The following GALK2 variants were observed in gnomAD, a reference collection of about 807,000 sequenced individuals.
GALK2 encodes galactokinase 2.
A neutral mutation model predicts 52.4 loss-of-function variants in GALK2; 36 were observed. The ratio of observed to expected loss-of-function variants is 0.69; its 90% CI spans 0.53 to 0.91. The LOEUF is 0.91. Ranked by LOEUF, GALK2 falls within the 40% of genes least tolerant of loss-of-function variation. The pLI is 0.00. For missense variants in GALK2, 579 were observed against 559.1 expected, an observed-to-expected ratio of 1.04 and a Z score of -0.36; for synonymous variants, 176 against 199.1, an observed-to-expected ratio of 0.88 and a Z score of 0.98.
intron 1 of GALK2, chr15:49,156,254 C>A: frequency 2.2e-4 from 111 of 510,262 alleles, no homozygotes; most frequent in East Asian, 4.3e-4. Context: ...CCCTTGGGAC[C>A]AAATTAAGGT....
At chr15:49,192,033 A>T (rs1028495887) in intron 1 of GALK2, among the ~76,000 whole-genome samples, 7 of 151,868 alleles carry the variant, frequency 4.6e-5, no homozygotes, top group Non-Finnish European at 7.4e-5. Flanking sequence ...TCAGGGTCAG[A>T]TTTGGGCAAT....
chr15:49,347,220 G>A (rs1281061843), intron 3 of GALK2, among the ~76,000 whole-genome samples: 1 of 152,202 alleles, frequency 6.6e-6, no homozygotes, highest in African/African-American at 2.4e-5. Flanking sequence ...GCCAGGACTT[G>A]TATTAGGCAT....
At chr15:49,248,131 A>G (rs1055493856) in intron 5 of GALK2, among the ~76,000 whole-genome samples, 3 of 152,220 alleles carry the variant, frequency 2.0e-5, no homozygotes, top group Non-Finnish European at 4.4e-5. Flanking sequence ...ATTTCAGTGA[A>G]ATATTTCTTG....
chr15:49,214,358 G>C (rs1198898617), intron 2 of GALK2, among the ~76,000 whole-genome samples: 1 of 133,424 alleles, frequency 7.5e-6, no homozygotes, highest in Admixed American at 7.6e-5. Flanking sequence ...TTGAGATGGA[G>C]TCTCACTCTG....
At position 49,328,094 on chromosome 15, in the gene GALK2, C is replaced by T. The variant is rs984738916; in HGVS notation, c.1312C>T (p.Pro438Ser). The change falls in exon 10 of 10, where the codon CCG (proline) becomes TCG (serine). Residue 438 changes from proline (P) to serine (S), a missense_variant. Physicochemically the swap from Pro to Ser is moderately conservative, Grantham distance 74. Transcript: ENST00000560031. The stretch of plus-strand genomic sequence containing the variant: ...CCAGAGGAGTGATGGAAGCTTAGCA[C>T]CGGAGAAGCAAAGTTTGTTTGCTAC... ...YYQRSDGSLAPEKQSLFATKP... is the reference protein window; with the variant it reads ...YYQRSDGSLASEKQSLFATKP... 4.3e-6 allele frequency: 7 copies of T among 1,613,982 alleles called. No individual in the cohort carries two copies. The highest frequency in any genetic ancestry group is 5.9e-6 in the Non-Finnish European group (7 of 1,179,960).
intron 1 of GALK2, among the ~76,000 whole-genome samples, chr15:49,182,082 A>G (rs1330442501): frequency 1.3e-5 from 2 of 152,056 alleles, no homozygotes; most frequent in East Asian, 3.9e-4. Context: ...CAAATAGTAG[A>G]TCTTATTCAT....
intron 1 of GALK2, among the ~76,000 whole-genome samples, chr15:49,185,135 CCT>C (rs1055021719): frequency 6.6e-6 from 1 of 152,150 alleles, no homozygotes; most frequent in African/African-American, 2.4e-5. Flanking sequence ...CTCCTCCTTT[CCT>C]CTCTCTAGTA....
intron 5 of GALK2, among the ~76,000 whole-genome samples, chr15:49,243,569 A>G (rs1455994216): frequency 1.3e-5 from 2 of 152,126 alleles, no homozygotes; most frequent in African/African-American, 2.4e-5. Context: ...CTTAAATATG[A>G]TAGGGCATCA....
intron 5 of GALK2, among the ~76,000 whole-genome samples, chr15:49,256,234 G>C (rs2091809983): frequency 6.6e-6 from 1 of 152,112 alleles, no homozygotes; most frequent in Non-Finnish European, 1.5e-5. Context: ...TAATTCTCTA[G>C]AGCTCTGTGT....
At chr15:49,204,279 C>T (rs1326810364) in intron 2 of GALK2, among the ~76,000 whole-genome samples, 1 of 150,956 alleles carries the variant, frequency 6.6e-6, no homozygotes, top group African/African-American at 2.4e-5. Flanking sequence ...TTCTTTTCTT[C>T]TTCTTCTTCT....
chr15:49,278,701 A>G lies in GALK2; in HGVS notation c.505-3286A>G, dbSNP rs187060333. On this transcript the variant is annotated intron_variant, in intron 5 of 9. Coordinates refer to ENST00000560031, the MANE Select transcript of GALK2 (RefSeq NM_002044.4). ...GTCAGATCATTTGAGTTTGGATTAT[A>G]TCTTTAATAATTACTAGCCTAGTCT... Among the ~76,000 whole-genome samples, 18 of 152,294 alleles carry G rather than the reference A, an allele frequency of 1.2e-4. No individual in the cohort carries two copies. In the East Asian group the frequency reaches 3.3e-3, roughly 28 times the overall value.
At chr15:49,255,241 T>C (rs962297523) in intron 5 of GALK2, among the ~76,000 whole-genome samples, 4 of 143,672 alleles carry the variant, frequency 2.8e-5, no homozygotes, top group African/African-American at 5.0e-5. Context: ...TTTTTCTGAT[T>C]GAGAATTTAC....
chr15:49,249,312 A>G (rs2091490470), intron 5 of GALK2, among the ~76,000 whole-genome samples: 3 of 152,230 alleles, frequency 2.0e-5, no homozygotes, highest in Admixed American at 2.0e-4. Context: ...TGATAGAGTA[A>G]GGAAGACAAT....
chr15:49,235,414 ATTTG>A (rs1003734520), intron 3 of GALK2, among the ~76,000 whole-genome samples: 4 of 151,908 alleles, frequency 2.6e-5, no homozygotes, highest in South Asian at 2.1e-4. Flanking sequence ...CATTTTGTTT[ATTTG>A]TTTTTTTTTC....
chr15:49,365,533 G>T, intron 3 of GALK2: 1 of 858,754 alleles, frequency 1.2e-6, no homozygotes, highest in Non-Finnish European at 2.0e-6. Context: ...GATGACTACT[G>T]GCAATGTTTC....
At chr15:49,261,478 G>A (rs1232090435) in intron 5 of GALK2, among the ~76,000 whole-genome samples, 4 of 152,046 alleles carry the variant, frequency 2.6e-5, no homozygotes, top group Non-Finnish European at 5.9e-5. Flanking sequence ...CTGAGACAAT[G>A]GGGTTTTCCA....
intron 5 of GALK2, among the ~76,000 whole-genome samples, chr15:49,276,769 G>A (rs1043572280): frequency 6.6e-6 from 1 of 152,106 alleles, no homozygotes; most frequent in African/African-American, 2.4e-5. Flanking sequence ...CTGAGTTCAG[G>A]TCATGCTATC....
At chr15:49,203,181 G>C (rs145669436) in intron 2 of GALK2, among the ~76,000 whole-genome samples, 1 of 152,118 alleles carries the variant, frequency 6.6e-6, no homozygotes, top group East Asian at 1.9e-4. Context: ...CTCCCGAGTA[G>C]CTGGGACTAC....
intron 1 of GALK2, among the ~76,000 whole-genome samples, chr15:49,163,403 C>T (rs2084718370): frequency 6.6e-6 from 1 of 151,966 alleles, no homozygotes; most frequent in Admixed American, 6.6e-5. Context: ...TTTGTCATAC[C>T]TAAGGGCGCT....
Sources: gnomAD v4.1 joint callset for allele counts (sites outside exome capture counted in the v4.1 genomes callset) on GRCh38, gnomAD v4.1.1 for gene constraint, MANE v1.5 for transcripts, NCBI Gene and HGNC (gene_info 2026-07-23, HGNC 2026-07-21) for gene names.